The following LPP variants were observed in gnomAD, a reference collection of about 807,000 sequenced individuals.
LPP encodes lipoma-preferred partner.
LPP carries 38 observed loss-of-function variants against 60.4 expected under a neutral mutation model. That is an observed-to-expected ratio of 0.63 (90% CI 0.49 to 0.83). The LOEUF (loss-of-function observed/expected upper bound fraction) is 0.83. LPP is among the 40% of genes least tolerant of loss of function. The pLI is 0.00. For missense variants in LPP, 902 were observed against 783.6 expected, an observed-to-expected ratio of 1.15 and a Z score of -1.80; for synonymous variants, 328 against 290.8, an observed-to-expected ratio of 1.13 and a Z score of -1.30.
intron 3 of LPP, among the ~76,000 whole-genome samples, chr3:188,364,107 C>A (rs1770385311): frequency 6.6e-6 from 1 of 152,152 alleles, no homozygotes; most frequent in East Asian, 1.9e-4. Flanking sequence ...AAGGTAATGA[C>A]AGTATCTACC....
At chr3:188,514,411 TC>T (rs1816718924) in intron 5 of LPP, among the ~76,000 whole-genome samples, 2 of 151,800 alleles carry the variant, frequency 1.3e-5, no homozygotes, top group African/African-American at 4.8e-5. Flanking sequence ...CCATAGCTCA[TC>T]CCTGTGGCAA....
chr3:188,796,004 G>A (rs901520920), intron 9 of LPP, among the ~76,000 whole-genome samples: 1 of 152,142 alleles, frequency 6.6e-6, no homozygotes, highest in African/African-American at 2.4e-5. Context: ...GCCAATCTCA[G>A]TTGACAGCCT....
At chr3:188,470,281 T>TACACACAC (rs59656753) in intron 4 of LPP, among the ~76,000 whole-genome samples, 89 of 126,854 alleles carry the variant, frequency 7.0e-4, no homozygotes, top group Admixed American at 1.2e-3. Context: ...CTCTCTCTCA[T>TACACACAC]ACACACACAC....
intron 2 of LPP, among the ~76,000 whole-genome samples, chr3:188,246,475 A>T (rs1726985968): frequency 6.6e-6 from 1 of 152,206 alleles, no homozygotes; most frequent in South Asian, 2.1e-4. Context: ...TTCATAGATG[A>T]TATAGCAATT....
intron 1 of LPP, among the ~76,000 whole-genome samples, chr3:188,204,496 T>G (rs1362628903): frequency 6.6e-6 from 1 of 152,202 alleles, no homozygotes; most frequent in Non-Finnish European, 1.5e-5. Flanking sequence ...AAGTAACTTT[T>G]TGCAGTGCTT....
chr3:188,396,102 T>G (rs1457034808), intron 3 of LPP, among the ~76,000 whole-genome samples: 1 of 152,186 alleles, frequency 6.6e-6, no homozygotes, highest in African/African-American at 2.4e-5. Flanking sequence ...CTCCCCATCT[T>G]GTTGCTATGA....
At chr3:188,304,112 A>C (rs1233016914) in intron 2 of LPP, among the ~76,000 whole-genome samples, 1 of 152,202 alleles carries the variant, frequency 6.6e-6, no homozygotes, top group Non-Finnish European at 1.5e-5. Flanking sequence ...AATTGTAGTC[A>C]TATAAATTAT....
intron 5 of LPP, among the ~76,000 whole-genome samples, chr3:188,522,961 G>A (rs192241337): frequency 5.3e-4 from 81 of 151,900 alleles, no homozygotes; most frequent in African/African-American, 1.9e-3. Flanking sequence ...AGGCTGGAGT[G>A]CAGTGGTACG....
At chr3:188,750,639 TAAAA>T (rs558437618) in intron 8 of LPP, among the ~76,000 whole-genome samples, 22 of 148,726 alleles carry the variant, frequency 1.5e-4, no homozygotes, top group Non-Finnish European at 2.5e-4. Flanking sequence ...TCTCAAAAAA[TAAAA>T]AAAAAAGTTT....
intron 7 of LPP, among the ~76,000 whole-genome samples, chr3:188,700,627 G>A (rs1864211872): frequency 6.6e-6 from 1 of 152,162 alleles, no homozygotes; most frequent in Non-Finnish European, 1.5e-5. Flanking sequence ...CATGCCCCAA[G>A]TGTAGTGAAA....
intron 6 of LPP, chr3:188,568,203 GA>G (rs1368653472): frequency 6.6e-6 from 1 of 151,958 alleles, no homozygotes; most frequent in Non-Finnish European, 1.5e-5. Context: ...TTATTTTTAT[GA>G]AATTTCAGTA....
chr3:188,888,489 T>C lies in LPP; in HGVS notation c.*14010T>C, dbSNP rs532431549. On this transcript the variant is annotated 3_prime_UTR_variant, in exon 12 of 12. Transcript: ENST00000617246. ...TTCCCCAGCTCTGAATATAGCCATT[T>C]GCCGACTCCGGCCTCTTTGCGAGAC... 4.4e-6 allele frequency: 1 copy of C among 228,162 alleles called. No homozygotes were observed. The highest frequency in any genetic ancestry group is 6.3e-5 in the East Asian group (1 of 15,954). 14.1% of individuals were successfully genotyped at this position (228,162 alleles called of 1,614,324 possible).
At chr3:188,612,914 G>C (rs1844017318) in intron 7 of LPP, among the ~76,000 whole-genome samples, 1 of 151,906 alleles carries the variant, frequency 6.6e-6, no homozygotes, top group African/African-American at 2.4e-5. Flanking sequence ...AGAAAGGAAA[G>C]AAAAAATGAA....
At chr3:188,690,552 G>A (rs561537885) in intron 7 of LPP, among the ~76,000 whole-genome samples, 13 of 152,042 alleles carry the variant, frequency 8.6e-5, no homozygotes, top group South Asian at 4.2e-4. Flanking sequence ...CCTAATTTTC[G>A]TGTTCCCTTT....
At chr3:188,413,570 C>T (rs1349361546) in intron 4 of LPP, among the ~76,000 whole-genome samples, 1 of 152,104 alleles carries the variant, frequency 6.6e-6, no homozygotes, top group East Asian at 1.9e-4. Context: ...CTGCACAGTG[C>T]AGTGCATGAG....
At chr3:188,778,853 C>G (rs1738653581) in intron 9 of LPP, among the ~76,000 whole-genome samples, 1 of 152,090 alleles carries the variant, frequency 6.6e-6, no homozygotes, top group Non-Finnish European at 1.5e-5. Context: ...AATTTGTAAG[C>G]AGACACAACA....
chr3:188,380,176 T>C (rs543560597), intron 3 of LPP, among the ~76,000 whole-genome samples: 3 of 152,330 alleles, frequency 2.0e-5, no homozygotes, highest in South Asian at 2.1e-4. Context: ...TTACTTTTTA[T>C]GTTTGTTAGC....
chr3:188,370,304 A>T lies in LPP; in HGVS notation c.-10+28585A>T, dbSNP rs1428761704. Reference sequence around the variant, plus strand: ...CATTCTACAGCTATACAGAGAGCTCATGTAAATTCCTGAAGGCTGCACCGC... The same window carrying T: ...CATTCTACAGCTATACAGAGAGCTCTTGTAAATTCCTGAAGGCTGCACCGC... On this transcript the variant is annotated intron_variant, in intron 3 of 11. Coordinates refer to ENST00000617246, the MANE Select transcript of LPP (RefSeq NM_001375462.1). Among the ~76,000 whole-genome samples, 6 of 152,284 alleles carry T rather than the reference A, an allele frequency of 3.9e-5. No homozygotes were observed. In the South Asian group the frequency reaches 6.2e-4, roughly 16 times the overall value.
At chr3:188,235,483 C>T (rs1460091688) in intron 2 of LPP, among the ~76,000 whole-genome samples, 1 of 151,860 alleles carries the variant, frequency 6.6e-6, no homozygotes, top group African/African-American at 2.4e-5. Context: ...CTTTTAAGGT[C>T]CTCCCTGTCT....
Sources: gnomAD v4.1 joint callset for allele counts (sites outside exome capture counted in the v4.1 genomes callset) on GRCh38, gnomAD v4.1.1 for gene constraint, MANE v1.5 for transcripts, NCBI Gene and HGNC (gene_info 2026-07-23, HGNC 2026-07-21) for gene names.